MARCHF3: variants seen among roughly 807,000 people sequenced by gnomAD.
MARCHF3 encodes membrane associated ring-CH-type finger 3, also known as E3 ubiquitin-protein ligase MARCHF3.
In MARCHF3, 13 loss-of-function variants were observed where a neutral mutation model predicts 24.2. The observed-to-expected ratio is 0.54, with a 90% confidence interval of 0.35 to 0.85. The LOEUF is 0.85. MARCHF3 is among the 40% of genes least tolerant of loss of function. The pLI, the probability that MARCHF3 is intolerant of heterozygous loss-of-function variation, is 0.01. For missense variants in MARCHF3, 276 were observed against 325.0 expected, an observed-to-expected ratio of 0.85 and a Z score of 1.16; for synonymous variants, 144 against 137.3, an observed-to-expected ratio of 1.05 and a Z score of -0.34.
intron 3 of MARCHF3, among the ~76,000 whole-genome samples, chr5:126,880,531 G>A (rs978648177): frequency 1.1e-4 from 16 of 152,124 alleles, no homozygotes; most frequent in African/African-American, 3.9e-4. Context: ...TGAGTACTGG[G>A]AATATCACTA....
chr5:126,974,395 T>C (rs1751123712), intron 1 of MARCHF3, among the ~76,000 whole-genome samples: 1 of 152,206 alleles, frequency 6.6e-6, no homozygotes, highest in African/African-American at 2.4e-5. Context: ...CTCCCCAGTG[T>C]GTCCTACTTC....
At chr5:126,880,425 TGATATTAATC>T in intron 3 of MARCHF3, among the ~76,000 whole-genome samples, 1 of 152,334 alleles carries the variant, frequency 6.6e-6, no homozygotes, top group East Asian at 1.9e-4. Flanking sequence ...TAAGTGCAAA[TGATATTAATC>T]CTGCCATGTG....
intron 1 of MARCHF3, among the ~76,000 whole-genome samples, chr5:126,961,813 A>C (rs568601347): frequency 1.3e-5 from 2 of 152,300 alleles, no homozygotes; most frequent in Non-Finnish European, 2.9e-5. Flanking sequence ...ACCGGCCCCC[A>C]GGCAGTCACT....
At chr5:127,004,955 G>A (rs1752257282) in intron 1 of MARCHF3, among the ~76,000 whole-genome samples, 1 of 150,958 alleles carries the variant, frequency 6.6e-6, no homozygotes, top group Non-Finnish European at 1.5e-5. Context: ...AGCTGATGCT[G>A]GAGTTAAAAA....
intron 1 of MARCHF3, among the ~76,000 whole-genome samples, chr5:126,963,600 A>G (rs1311040979): frequency 6.6e-6 from 1 of 152,214 alleles, no homozygotes; most frequent in African/African-American, 2.4e-5. Flanking sequence ...GACAAGATTA[A>G]TTGGATCTAA....
chr5:126,936,371 G>A (rs1419229962), intron 1 of MARCHF3, among the ~76,000 whole-genome samples: 3 of 152,090 alleles, frequency 2.0e-5, no homozygotes, highest in African/African-American at 4.8e-5. Context: ...TCATCCAACA[G>A]CCAGGGAAAG....
Position 126,953,841 on chromosome 5 carries a change from T to C in MARCHF3, c.-56-35614A>G, listed in dbSNP as rs531236807. ...CGCTCTCATTAATCAGATGTTGGAC[T>C]TCTAGGATTGGATGTCTATGCCCAT... is the stretch of plus-strand genomic sequence containing the variant. On this transcript the variant is annotated intron_variant, in intron 1 of 4. Transcript: ENST00000308660. 2.6e-5 allele frequency among the ~76,000 whole-genome samples: 4 copies of C among 152,340 alleles called. No homozygotes were observed. The South Asian group carries it at 6.2e-4, about 24-fold the overall frequency.
chr5:126,978,120 T>C (rs541962454), intron 1 of MARCHF3, among the ~76,000 whole-genome samples: 7 of 152,356 alleles, frequency 4.6e-5, no homozygotes, highest in African/African-American at 1.7e-4. Context: ...GTTGGGAATC[T>C]TGTGATGTTT....
chr5:126,992,667 G>A (rs974370323), intron 1 of MARCHF3, among the ~76,000 whole-genome samples: 1 of 152,000 alleles, frequency 6.6e-6, no homozygotes, highest in Non-Finnish European at 1.5e-5. Context: ...TTAGGTCAGG[G>A]TGCTGATACG....
chr5:126,921,026 G>A (rs1257504848), intron 1 of MARCHF3, among the ~76,000 whole-genome samples: 1 of 151,158 alleles, frequency 6.6e-6, no homozygotes, highest in African/African-American at 2.4e-5. Flanking sequence ...TTTCTCTTGG[G>A]CCATATCTGC....
At chr5:126,998,755 G>C (rs575817062) in intron 1 of MARCHF3, among the ~76,000 whole-genome samples, 2 of 152,058 alleles carry the variant, frequency 1.3e-5, no homozygotes, top group African/African-American at 4.8e-5. Flanking sequence ...AATCTCACTC[G>C]TTCCCCTGTC....
intron 1 of MARCHF3, among the ~76,000 whole-genome samples, chr5:126,963,014 T>C (rs531232549): frequency 6.6e-6 from 1 of 152,304 alleles, no homozygotes; most frequent in African/African-American, 2.4e-5. Flanking sequence ...TTCTCTAAGC[T>C]TTATTTTCCT....
At chr5:127,017,567 G>A (rs1244884078) in intron 1 of MARCHF3, among the ~76,000 whole-genome samples, 1 of 152,068 alleles carries the variant, frequency 6.6e-6, no homozygotes, top group Admixed American at 6.6e-5. Flanking sequence ...TTACCATGGG[G>A]CAATCTCATC....
chr5:126,894,989 C>T (rs1456214349), intron 3 of MARCHF3, among the ~76,000 whole-genome samples: 2 of 152,098 alleles, frequency 1.3e-5, no homozygotes, highest in Non-Finnish European at 2.9e-5. Context: ...TCCCATATTT[C>T]TTGGAGGCTT....
intron 3 of MARCHF3, among the ~76,000 whole-genome samples, chr5:126,904,042 C>A (rs996901787): frequency 6.7e-6 from 1 of 149,250 alleles, no homozygotes; most frequent in Non-Finnish European, 1.5e-5. Context: ...CAATTCCCAC[C>A]TATGAGTGAG....
intron 3 of MARCHF3, among the ~76,000 whole-genome samples, chr5:126,908,572 C>T (rs1432402218): frequency 6.6e-6 from 1 of 152,158 alleles, no homozygotes; most frequent in African/African-American, 2.4e-5. Flanking sequence ...TCATTCATTT[C>T]ATCTTCCATC....
intron 1 of MARCHF3, among the ~76,000 whole-genome samples, chr5:126,998,716 C>A (rs10067364): frequency 1.3e-5 from 2 of 151,874 alleles, no homozygotes; most frequent in Non-Finnish European, 2.9e-5. Context: ...GGCTACCAAC[C>A]TGAGAAAAGC....
At chr5:126,904,275 C>T (rs1291663391) in intron 3 of MARCHF3, among the ~76,000 whole-genome samples, 3 of 150,498 alleles carry the variant, frequency 2.0e-5, no homozygotes, top group East Asian at 3.9e-4. Flanking sequence ...AATAAACATA[C>T]GTGGGCATGT....
In MARCHF3 at chr5:126,994,504, G is replaced by A. The variant is rs187926999; in HGVS notation, c.-57+35846C>T. On this transcript the variant is annotated intron_variant, in intron 1 of 4. Coordinates refer to ENST00000308660, the MANE Select transcript of MARCHF3 (RefSeq NM_178450.5). ...ATGCTAAAAAAGAATGAATTTTACGGCATGTCAGTTCTACCTCAATAAATG... is the reference window on the plus strand; with the variant it reads ...ATGCTAAAAAAGAATGAATTTTACGACATGTCAGTTCTACCTCAATAAATG... Among the ~76,000 whole-genome samples, 3 of 152,234 alleles carry A rather than the reference G, an allele frequency of 2.0e-5. No homozygotes were observed. The East Asian group carries it at 5.8e-4, about 29-fold the overall frequency.
Sources: gnomAD v4.1 joint callset for allele counts (sites outside exome capture counted in the v4.1 genomes callset) on GRCh38, gnomAD v4.1.1 for gene constraint, MANE v1.5 for transcripts, NCBI Gene and HGNC (gene_info 2026-07-23, HGNC 2026-07-21) for gene names.